The following ABCC5 variants were observed in gnomAD, a reference collection of about 807,000 sequenced individuals.
The protein encoded by ABCC5 is ATP-binding cassette sub-family C member 5.
ABCC5 carries 61 observed loss-of-function variants against 160.9 expected under a neutral mutation model. That is an observed-to-expected ratio of 0.38 (90% CI 0.31 to 0.47). ABCC5 has a LOEUF of 0.47. Among genes scored for constraint, ABCC5 ranks in the 20% least tolerant of loss-of-function variants. The pLI is 0.99. For synonymous variants in ABCC5, 666 were observed against 700.6 expected, an observed-to-expected ratio of 0.95 and a Z score of 0.78; for missense variants, 1,308 against 1,813.3, an observed-to-expected ratio of 0.72 and a Z score of 5.06.
chr3:183,946,590 C>T (rs1435098353), intron 23 of ABCC5, among the ~76,000 whole-genome samples: 2 of 152,050 alleles, frequency 1.3e-5, no homozygotes, highest in Non-Finnish European at 2.9e-5. Context: ...CTCCCAGGTA[C>T]CAAAACTCTA....
At position 183,932,464 on chromosome 3, in the gene ABCC5, G is replaced by A. The variant is rs78126835; in HGVS notation, c.3855-3639C>T. On this transcript the variant is annotated intron_variant, in intron 26 of 29. Coordinates refer to ENST00000334444, the MANE Select transcript of ABCC5 (RefSeq NM_005688.4). ...AAGGTCAAGATCCACAAAGAGGCACGTCTAACTGTTTTTTGGAGAGATGGA... is the reference window on the plus strand; with the variant it reads ...AAGGTCAAGATCCACAAAGAGGCACATCTAACTGTTTTTTGGAGAGATGGA... Among the ~76,000 whole-genome samples the A allele has an allele frequency of 1.7e-3, 262 of 152,294 alleles. 1 individual carries two copies. The highest frequency in any genetic ancestry group is 6.8e-3 in the Middle Eastern group (2 of 294).
rs1419457323 is a variant in ABCC5 at position 183,951,648 on chromosome 3, C to T, written c.2815-78G>A. 11 of 1,559,994 alleles carry T rather than the reference C, an allele frequency of 7.1e-6. No individual in the cohort carries two copies. Among genetic ancestry groups the T allele is most frequent in the African/African-American group, 1.4e-5 (1 of 73,674 alleles). Reference sequence around the variant, plus strand: ...TGGTCCAGAGAACCGCTCCGCAGCACATCCACTCCCAAAGCGGGGAGGTGT... The same window carrying T: ...TGGTCCAGAGAACCGCTCCGCAGCATATCCACTCCCAAAGCGGGGAGGTGT... On this transcript the variant is annotated intron_variant, in intron 19 of 29. Transcript: ENST00000334444. The surrounding 1 kb of genome is among the most constrained non-coding windows in gnomAD (Gnocchi z 4.7).
At chr3:183,970,831 A>G (rs1170369430) in intron 11 of ABCC5, among the ~76,000 whole-genome samples, 1 of 152,100 alleles carries the variant, frequency 6.6e-6, no homozygotes, top group African/African-American at 2.4e-5. Context: ...TGTAAACTCC[A>G]AGAAGGACGG....
At position 183,987,758 on chromosome 3, in the gene ABCC5, G is replaced by GTC; in HGVS notation, c.591+11_591+12insGA. The GTC allele has an allele frequency of 6.2e-7, 1 of 1,614,174 alleles. No homozygotes were observed. Among genetic ancestry groups the GTC allele is most frequent in the Non-Finnish European group, 8.5e-7 (1 of 1,180,022 alleles). On this transcript the variant is annotated intron_variant, in intron 5 of 29. Transcript: ENST00000334444. The surrounding 1 kb of genome is among the most constrained non-coding windows in gnomAD (Gnocchi z 4.2). ...CCCCTGGAGACTGTCGGAAAGGATG[G>GTC]TTAGAACTTACTGGTCCACTGAAGC...
intron 28 of ABCC5, 121 bp downstream of exon 28, chr3:183,927,209 T>C (rs374547213): frequency 1.1e-6 from 1 of 943,088 alleles, no homozygotes. Flanking sequence ...TCTCTGGTCA[T>C]GCTCTTAGAA....
intron 26 of ABCC5, among the ~76,000 whole-genome samples, chr3:183,932,482 G>A (rs146888650): frequency 3.3e-5 from 5 of 152,310 alleles, no homozygotes; most frequent in African/African-American, 9.6e-5. Flanking sequence ...GTTTTTTGGA[G>A]AGATGGAATA....
intron 24 of ABCC5, 32 bp from the exon 25 acceptor site, chr3:183,942,948 A>G: frequency 6.4e-7 from 1 of 1,567,528 alleles, no homozygotes. Flanking sequence ...GTTCAGACTG[A>G]CCACAGATTC....
intron 11 of ABCC5, among the ~76,000 whole-genome samples, chr3:183,971,212 G>C (rs191631794): frequency 7.8e-4 from 119 of 152,198 alleles, no homozygotes; most frequent in African/African-American, 2.7e-3. Context: ...ATGATGCACA[G>C]CCTAGTGCAC....
At chr3:183,969,631 G>A (rs1717551842) in intron 11 of ABCC5, among the ~76,000 whole-genome samples, 1 of 150,348 alleles carries the variant, frequency 6.7e-6, no homozygotes, top group African/African-American at 2.5e-5. Flanking sequence ...GGCAGAGGTT[G>A]CAGTGAGCCG....
In ABCC5 at chr3:183,962,539, T is replaced by C. The variant is rs187791141; in HGVS notation, c.2235+846A>G. Reference sequence around the variant, plus strand: ...AGTTCCTCCAGTTTTTTTCTTTTTTTTTTTTTTTTGTGACAGAGTCTTGCT... The same window carrying C: ...AGTTCCTCCAGTTTTTTTCTTTTTTCTTTTTTTTTGTGACAGAGTCTTGCT... On this transcript the variant is annotated intron_variant, in intron 15 of 29. Transcript: ENST00000334444. Among the ~76,000 whole-genome samples, 777 of 151,798 alleles carry C rather than the reference T, an allele frequency of 5.1e-3. 8 individuals are homozygous for C. The highest frequency in any genetic ancestry group is 0.017 in the African/African-American group (724 of 41,392).
intron 2 of ABCC5, among the ~76,000 whole-genome samples, chr3:184,003,900 G>A (rs1051252314): frequency 6.6e-6 from 1 of 152,086 alleles, no homozygotes; most frequent in Admixed American, 6.6e-5. Flanking sequence ...GGGTAAAACG[G>A]GATTTACAGG....
rs73046600 is a variant in ABCC5 at position 183,991,870 on chromosome 3, T to C, written c.130-2487A>G. 3.8e-3 allele frequency among the ~76,000 whole-genome samples: 580 copies of C among 152,288 alleles called. 7 individuals are homozygous for C. Among genetic ancestry groups the C allele is most frequent in the African/African-American group, 0.013 (540 of 41,550 alleles). ...TCACAAGGGGAAGGAAAAAACCTCCTGGATTGAGAGAGAAAGATACACTAA... is the reference window on the plus strand; with the variant it reads ...TCACAAGGGGAAGGAAAAAACCTCCCGGATTGAGAGAGAAAGATACACTAA... On this transcript the variant is annotated intron_variant, in intron 2 of 29. Coordinates refer to ENST00000334444, the MANE Select transcript of ABCC5 (RefSeq NM_005688.4).
At chr3:183,995,047 T>C (rs1720151028) in intron 2 of ABCC5, among the ~76,000 whole-genome samples, 1 of 151,970 alleles carries the variant, frequency 6.6e-6, no homozygotes, top group Non-Finnish European at 1.5e-5. Flanking sequence ...GACAGCACTA[T>C]GTTGCCCAGG....
chr3:183,923,490 G>A (rs1236569205), intron 29 of ABCC5, among the ~76,000 whole-genome samples: 1 of 152,094 alleles, frequency 6.6e-6, no homozygotes. Context: ...AGGCATGGTG[G>A]CACATGCCTG....
rs1007904052 is a variant in ABCC5, at chr3:183,951,637, G to A, written c.2815-67C>T. The A allele has an allele frequency of 4.4e-6, 7 of 1,573,784 alleles. No homozygotes were observed. The highest frequency in any genetic ancestry group is 2.3e-5 in the East Asian group (1 of 44,432). On this transcript the variant is annotated intron_variant, in intron 19 of 29. Coordinates refer to ENST00000334444, the MANE Select transcript of ABCC5 (RefSeq NM_005688.4). This position sits in a 1 kb window ranked among gnomAD's most constrained non-coding sequence, Gnocchi z 4.7. ...TCTGTTCCTACTGGTCCAGAGAACC[G>A]CTCCGCAGCACATCCACTCCCAAAG...
rs1191770951 is a variant in ABCC5, at chr3:183,926,407, G to A, written c.4048-688C>T. ...TCTACTAAAAATACAAAAATTAGCC[G>A]GGCGTGGTGACGCGCACCTGTAGTC... On this transcript the variant is annotated intron_variant, in intron 28 of 29. Coordinates refer to ENST00000334444, the MANE Select transcript of ABCC5 (RefSeq NM_005688.4). 3.3e-5 allele frequency among the ~76,000 whole-genome samples: 5 copies of A among 151,124 alleles called. 1 individual carries two copies. The highest frequency in any genetic ancestry group is 5.9e-5 in the Non-Finnish European group (4 of 67,798).
At chr3:184,006,374 G>GT (rs571249802) in intron 2 of ABCC5, 25 of 151,062 alleles carry the variant, frequency 1.7e-4, no homozygotes, top group Admixed American at 1.2e-3. Flanking sequence ...GAGTCACCGA[G>GT]TATCAATCAA....
At chr3:183,984,799 C>T (rs1453194880) in intron 5 of ABCC5, 1 of 1,573,986 alleles carries the variant, frequency 6.4e-7, no homozygotes, top group Non-Finnish European at 8.6e-7. Context: ...GGCCAAAGCC[C>T]CCTTTTCCTC....
At chr3:183,969,231 C>T (rs1717511961) in intron 11 of ABCC5, among the ~76,000 whole-genome samples, 1 of 152,182 alleles carries the variant, frequency 6.6e-6, no homozygotes, top group African/African-American at 2.4e-5. Context: ...CTAAAGGTCT[C>T]CCATTGTCTG....
Sources: gnomAD v4.1 joint callset for allele counts (sites outside exome capture counted in the v4.1 genomes callset) on GRCh38, gnomAD v4.1.1 for gene constraint, Gnocchi (gnomAD v3.1) non-coding constraint, MANE v1.5 for transcripts, NCBI Gene and HGNC (gene_info 2026-07-23, HGNC 2026-07-21) for gene names.